The following HLCS variants were observed in gnomAD, a reference collection of about 807,000 sequenced individuals.
The protein encoded by HLCS is biotin--protein ligase.
A neutral mutation model predicts 75.0 loss-of-function variants in HLCS; 53 were observed. The observed-to-expected ratio is 0.71, with a 90% CI of 0.57 to 0.89. The LOEUF (loss-of-function observed/expected upper bound fraction) is 0.89, where lower values mean the gene tolerates loss of function less well. Ranked by LOEUF, HLCS falls within the 40% of genes least tolerant of loss-of-function variation. The probability of loss-of-function intolerance (pLI) is 0.00; values close to 1 mark genes in which losing one functional copy is unlikely to be tolerated. For missense variants in HLCS, 966 were observed against 1,074.0 expected (o/e 0.90, Z 1.41); for synonymous variants, 431 against 428.6 (o/e 1.01, Z -0.07).
chr21:36,849,191 T>C (rs1044273411), intron 6 of HLCS, among the ~76,000 whole-genome samples: 6 of 152,228 alleles, frequency 3.9e-5, no homozygotes, highest in African/African-American at 1.4e-4. Flanking sequence ...GTTACATGCC[T>C]AGTTTGGCCC....
intron 4 of HLCS, among the ~76,000 whole-genome samples, chr21:36,935,843 T>G (rs2066855087): frequency 6.6e-6 from 1 of 152,202 alleles, no homozygotes; most frequent in African/African-American, 2.4e-5. Flanking sequence ...CTTTCCATTT[T>G]CCCCCTACCT....
At chr21:36,935,722 T>C (rs1250016775) in intron 4 of HLCS, among the ~76,000 whole-genome samples, 1 of 152,154 alleles carries the variant, frequency 6.6e-6, no homozygotes, top group Non-Finnish European at 1.5e-5. Flanking sequence ...AATTCTGAAA[T>C]AGTTTATCCG....
chr21:36,816,851 G>T (rs16994503), intron 6 of HLCS, among the ~76,000 whole-genome samples: 1 of 152,120 alleles, frequency 6.6e-6, no homozygotes, highest in African/African-American at 2.4e-5. Flanking sequence ...GAGGGAAATT[G>T]GTGGTAAAAA....
intron 6 of HLCS, among the ~76,000 whole-genome samples, chr21:36,865,529 A>T (rs2063525001): frequency 6.6e-6 from 1 of 152,246 alleles, no homozygotes; most frequent in Non-Finnish European, 1.5e-5. Flanking sequence ...ATTAGGGAGC[A>T]GACCCTCTTC....
intron 4 of HLCS, among the ~76,000 whole-genome samples, chr21:36,934,332 T>A (rs2066781477): frequency 6.6e-6 from 1 of 152,192 alleles, no homozygotes; most frequent in Non-Finnish European, 1.5e-5. Context: ...CAGCCGAAAA[T>A]GCACAAGACT....
At chr21:36,848,506 C>A (rs964812350) in intron 6 of HLCS, among the ~76,000 whole-genome samples, 2 of 152,076 alleles carry the variant, frequency 1.3e-5, no homozygotes, top group African/African-American at 4.8e-5. Context: ...TGACCTCAAA[C>A]GATCTGCCTG....
At chr21:36,952,341 G>A (rs893172234) in intron 2 of HLCS, among the ~76,000 whole-genome samples, 5 of 152,090 alleles carry the variant, frequency 3.3e-5, no homozygotes, top group Non-Finnish European at 5.9e-5. Flanking sequence ...AATGGAGCTC[G>A]GGGTAACAGC....
intron 6 of HLCS, among the ~76,000 whole-genome samples, chr21:36,790,487 C>T (rs1243415486): frequency 1.3e-5 from 2 of 152,166 alleles, no homozygotes; most frequent in Non-Finnish European, 2.9e-5. Flanking sequence ...CCAACAAACA[C>T]ACCAAAATCA....
Position 36,942,240 on chromosome 21 carries a change from C to A in HLCS, c.331-3246G>T, listed in dbSNP as rs182871916. 1.1e-3 allele frequency among the ~76,000 whole-genome samples: 171 copies of A among 151,528 alleles called. 2 individuals are homozygous for A. The highest frequency in any genetic ancestry group is 3.4e-4 in the Non-Finnish European group (23 of 67,840). Reference sequence around the variant, plus strand: ...AAATTGATACAGAAAAAGAAAAAAACCACAGATAGAGAAGCGTTAAAGACC... The same window carrying A: ...AAATTGATACAGAAAAAGAAAAAAAACACAGATAGAGAAGCGTTAAAGACC... On this transcript the variant is annotated intron_variant, in intron 2 of 10. Coordinates refer to ENST00000674895, the MANE Select transcript of HLCS (RefSeq NM_001352514.2).
At chr21:36,772,461 A>ATGG (rs2060236174) in intron 6 of HLCS, among the ~76,000 whole-genome samples, 1 of 151,456 alleles carries the variant, frequency 6.6e-6, no homozygotes, top group Non-Finnish European at 1.5e-5. Context: ...ACATGGCAAA[A>ATGG]CCCCATGTCT....
chr21:36,846,409 A>C (rs967173453), intron 6 of HLCS, among the ~76,000 whole-genome samples: 2 of 152,140 alleles, frequency 1.3e-5, no homozygotes, highest in African/African-American at 4.8e-5. Flanking sequence ...CTCCACCAAG[A>C]CATTTCCAAG....
At chr21:36,877,313 G>T (rs1165108930) in intron 6 of HLCS, among the ~76,000 whole-genome samples, 1 of 150,700 alleles carries the variant, frequency 6.6e-6, no homozygotes, top group East Asian at 1.9e-4. Context: ...TCTTTTTTTT[G>T]TGTGTGTTTC....
rs552253979 is a variant in HLCS, at chr21:36,859,780, G to A, written c.1892+37080C>T. Among the ~76,000 whole-genome samples the A allele has an allele frequency of 7.2e-5, 11 of 152,338 alleles. No homozygotes were observed. In the South Asian group the frequency reaches 2.3e-3, roughly 32 times the overall value. On this transcript the variant is annotated intron_variant, in intron 6 of 10. Coordinates refer to ENST00000674895, the MANE Select transcript of HLCS (RefSeq NM_001352514.2). ...AACAAGGAATAGAAGTGGTCCCAAG[G>A]TGGGCTTCACAAACCACCATTCCCA... is the stretch of plus-strand genomic sequence containing the variant.
At chr21:36,764,618 T>C (rs1230791134) in intron 8 of HLCS, among the ~76,000 whole-genome samples, 1 of 151,804 alleles carries the variant, frequency 6.6e-6, no homozygotes, top group African/African-American at 2.4e-5. Context: ...GGTGTGAGGA[T>C]TGCTTAAGAC....
At chr21:36,924,097 T>C (rs929575793) in intron 5 of HLCS, among the ~76,000 whole-genome samples, 3 of 152,222 alleles carry the variant, frequency 2.0e-5, no homozygotes, top group Non-Finnish European at 4.4e-5. Flanking sequence ...CTAAAAATTA[T>C]TTTTAAGCTG....
rs748535375 is a variant in HLCS, at chr21:36,756,681, G to A, written c.2311C>T (p.His771Tyr). 1.2e-6 allele frequency: 2 copies of A among 1,614,136 alleles called. No individual in the cohort carries two copies. The highest frequency in any genetic ancestry group is 1.3e-5 in the African/African-American group (1 of 75,018). ...CTTAAGGGCTTCAGTTCTGCCTTGT[G>A]TTGTTTATTGTATTCTGTGATGAGG... ...NDLITEYNKQ[H>Y]KAELKPLRAD... is the part of the protein sequence containing the mutation. The change falls in exon 10 of 11, where the codon CAC (histidine) becomes TAC (tyrosine). Residue 771 changes from histidine to tyrosine, a missense_variant. Coordinates refer to ENST00000674895, the MANE Select transcript of HLCS (RefSeq NM_001352514.2).
intron 6 of HLCS, among the ~76,000 whole-genome samples, chr21:36,792,635 G>T (rs1166247101): frequency 6.6e-6 from 1 of 152,102 alleles, no homozygotes; most frequent in African/African-American, 2.4e-5. Flanking sequence ...TGTAGATGAG[G>T]CACCTGCTCA....
At chr21:36,817,524 C>T (rs895441611) in intron 6 of HLCS, among the ~76,000 whole-genome samples, 5 of 152,206 alleles carry the variant, frequency 3.3e-5, no homozygotes, top group African/African-American at 1.2e-4. Context: ...CCTCCACCCA[C>T]CGGCATTTCT....
intron 6 of HLCS, among the ~76,000 whole-genome samples, chr21:36,808,294 C>T (rs915115081): frequency 8.5e-5 from 13 of 152,110 alleles, no homozygotes; most frequent in Non-Finnish European, 1.8e-4. Context: ...TACTGAATAG[C>T]TCATCATATT....
Sources: allele counts gnomAD v4.1 joint callset (sites outside exome capture counted in the v4.1 genomes callset), GRCh38; gene constraint gnomAD v4.1.1; transcripts MANE v1.5; gene names NCBI Gene and HGNC (gene_info 2026-07-23, HGNC 2026-07-21).